Variants in POLR1A observed in about 807,000 individuals in gnomAD.
POLR1A encodes RNA polymerase I subunit A.
A neutral mutation model predicts 205.3 loss-of-function variants in POLR1A; 84 were observed. The ratio of observed to expected loss-of-function variants is 0.41; its 90% confidence interval spans 0.34 to 0.49. The LOEUF is 0.49. Ranked by LOEUF, POLR1A falls within the 20% of genes least tolerant of loss-of-function variation. The probability of loss-of-function intolerance (pLI) is 0.22; values close to 1 mark genes in which losing one functional copy is unlikely to be tolerated. For missense variants in POLR1A, 1,645 were observed against 2,204.5 expected (o/e 0.75, Z 5.08); for synonymous variants, 799 against 863.7 (o/e 0.93, Z 1.31).
chr2:86,075,490 T>C (rs1336199102), intron 11 of POLR1A, among the ~76,000 whole-genome samples: 1 of 152,184 alleles, frequency 6.6e-6, no homozygotes, highest in African/African-American at 2.4e-5. Flanking sequence ...AGGAGAATAA[T>C]TTAAGCGCAG....
rs1417899599 is a variant in POLR1A at position 86,098,775 on chromosome 2, T to C, written c.283-15A>G. The C allele has an allele frequency of 3.1e-6, 5 of 1,613,486 alleles. No individual in the cohort carries two copies. The highest frequency in any genetic ancestry group is 3.4e-6 in the Non-Finnish European group (4 of 1,179,598). The stretch of plus-strand genomic sequence containing the variant: ...AGGTACAGCTTCTGAAGAGAGGGAA[T>C]AAAAACAAACAGGATATTAGAAAGA... On this transcript the variant is annotated splice_polypyrimidine_tract_variant and intron_variant, in intron 2 of 33. Transcript: ENST00000263857.
Position 86,058,398 on chromosome 2 carries a change from CTTTTTTTTTT to C in POLR1A, c.2059-4119_2059-4110del, listed in dbSNP as rs11350157. On this transcript the variant is annotated intron_variant, in intron 14 of 33. Coordinates refer to ENST00000263857, the MANE Select transcript of POLR1A (RefSeq NM_015425.6). The stretch of plus-strand genomic sequence containing the variant: ...ACAGGTGTGAGCCACCTCACCCAGC[CTTTTTTTTTT>C]TTTTTTTTTTTTAAATAGAGATGGG... Among the ~76,000 whole-genome samples the C allele has an allele frequency of 1.2e-4, 15 of 120,094 alleles. 1 individual carries two copies. Among genetic ancestry groups the C allele is most frequent in the Admixed American group, 3.4e-4 (4 of 11,920 alleles). 78.8% of individuals were successfully genotyped at this position (120,094 alleles called of 152,430 possible). A position where few individuals can be genotyped will look rare whatever the true frequency, so the allele number is the denominator to read the frequency against.
rs190110530 is a variant in POLR1A at position 86,080,042 on chromosome 2, G to A, written c.1086+774C>T. On this transcript the variant is annotated intron_variant, in intron 9 of 33. Transcript: ENST00000263857. The stretch of plus-strand genomic sequence containing the variant: ...AGCAAAACCACAGAAAGCCCCAAGT[G>A]TAACCTGCACCATAAGTGTCCAAGA... Among the ~76,000 whole-genome samples the A allele has an allele frequency of 9.2e-5, 14 of 152,332 alleles. No individual in the cohort carries two copies. The East Asian group carries it at 2.5e-3, about 27-fold the overall frequency.
chr2:86,091,217 T>C (rs1206499964), intron 3 of POLR1A, among the ~76,000 whole-genome samples: 2 of 152,230 alleles, frequency 1.3e-5, no homozygotes, highest in Non-Finnish European at 2.9e-5. Context: ...GAATCTTCTC[T>C]GGAGAAGGCA....
chr2:86,032,208 C>T (rs996913527), intron 29 of POLR1A, 64 bp downstream of exon 29: 3 of 1,129,308 alleles, frequency 2.7e-6, no homozygotes, highest in South Asian at 2.5e-5. Context: ...GGAGATAATC[C>T]CTCCAGGTTA....
chr2:86,044,007 T>G, intron 22 of POLR1A, 132 bp downstream of exon 22: 1 of 781,648 alleles, frequency 1.3e-6, no homozygotes, highest in Non-Finnish European at 2.1e-6. Flanking sequence ...ACCGGTGTCT[T>G]ATAAACCCTT....
chr2:86,083,693 C>T (rs1180250502), intron 6 of POLR1A, among the ~76,000 whole-genome samples: 2 of 152,132 alleles, frequency 1.3e-5, no homozygotes, highest in Non-Finnish European at 2.9e-5. Context: ...CCATATTTTG[C>T]TATTATAAGT....
At chr2:86,104,419 C>A (rs1436539130) in intron 1 of POLR1A, among the ~76,000 whole-genome samples, 1 of 151,272 alleles carries the variant, frequency 6.6e-6, no homozygotes, top group Non-Finnish European at 1.5e-5. Context: ...TAAGTAACCC[C>A]TCCCTTTGAA....
chr2:86,080,646 C>T (rs113505573), intron 9 of POLR1A, among the ~76,000 whole-genome samples, 170 bp downstream of exon 9: 1,925 of 152,232 alleles, frequency 0.013, 14 homozygotes, highest in Middle Eastern at 0.02. Flanking sequence ...CCATGTGTGT[C>T]CCCCTAATGT....
At chr2:86,087,553 C>G (rs2104427230) in intron 6 of POLR1A, among the ~76,000 whole-genome samples, 1 of 152,324 alleles carries the variant, frequency 6.6e-6, no homozygotes, top group South Asian at 2.1e-4. Flanking sequence ...CTTTTTCTTT[C>G]TTTTTCTGAG....
Position 86,030,407 on chromosome 2 carries a change from A to T in POLR1A, c.4579-11T>A. 6.2e-7 allele frequency: 1 copy of T among 1,603,748 alleles called. No homozygotes were observed. Among genetic ancestry groups the T allele is most frequent in the South Asian group, 1.1e-5 (1 of 90,850 alleles). On this transcript the variant is annotated splice_polypyrimidine_tract_variant and intron_variant, in intron 30 of 33. Coordinates refer to ENST00000263857, the MANE Select transcript of POLR1A (RefSeq NM_015425.6). ...GAGCTTCACTGTCACCTGCAAAAGG[A>T]GGGAGAGCTGGGTAGGGTGACAGCT... is the stretch of plus-strand genomic sequence containing the variant.
At chr2:86,073,264 G>A (rs2104415395) in intron 12 of POLR1A, among the ~76,000 whole-genome samples, 1 of 151,970 alleles carries the variant, frequency 6.6e-6, no homozygotes, top group Admixed American at 6.5e-5. Context: ...ACAGTCCTCA[G>A]GCTGGCCACC....
At chr2:86,097,485 C>T (rs1193740166) in intron 3 of POLR1A, among the ~76,000 whole-genome samples, 1 of 152,052 alleles carries the variant, frequency 6.6e-6, no homozygotes, top group East Asian at 1.9e-4. Flanking sequence ...AGATATGGAA[C>T]CAACCTAGAT....
Position 86,100,125 on chromosome 2 carries a change from A to T in POLR1A, c.125T>A (p.Leu42Gln), listed in dbSNP as rs1344929652. The T allele has an allele frequency of 1.9e-6, 3 of 1,614,086 alleles. No individual in the cohort carries two copies. Among genetic ancestry groups the T allele is most frequent in the East Asian group, 4.5e-5 (2 of 44,888 alleles). Residue 42 changes from leucine to glutamine, a missense_variant, in exon 2 of 34, where the codon CTG becomes CAG. Physicochemically the swap from Leu to Gln is moderately radical, Grantham distance 113. Transcript: ENST00000263857. Reference protein sequence around the residue: ...SITNPRYLDSLGNPSANGLYD... With the variant: ...SITNPRYLDSQGNPSANGLYD... ...CAGGCCGTTTGCCGATGGGTTCCCC[A>T]GGCTGTCCAGGTATCGAGGGTTCGT...
At position 86,038,874 on chromosome 2, in the gene POLR1A, A is replaced by G. The variant is rs1672547130; in HGVS notation, c.3877-17T>C. On this transcript the variant is annotated splice_polypyrimidine_tract_variant and intron_variant, in intron 26 of 33. Coordinates refer to ENST00000263857, the MANE Select transcript of POLR1A (RefSeq NM_015425.6). The stretch of plus-strand genomic sequence containing the variant: ...CTGCAACACCTGGAACCAGACGGAC[A>G]GAGAGAACTTGACTTGTTCAGGTCC... 6.2e-7 allele frequency: 1 copy of G among 1,613,416 alleles called. No homozygotes were observed. Among genetic ancestry groups the G allele is most frequent in the Admixed American group, 1.7e-5 (1 of 59,972 alleles).
In POLR1A at chr2:86,054,134, C is replaced by T. The variant is rs1331452099; in HGVS notation, c.2208+6G>A. ...GTCTCCACTCCACACAGCTGGACAG[C>T]CATACCTGGGACTCGCACATCGAGT... On this transcript the variant is annotated splice_donor_region_variant and intron_variant, in intron 15 of 33. Transcript: ENST00000263857. 10 of 1,613,676 alleles carry T rather than the reference C, an allele frequency of 6.2e-6. No individual in the cohort carries two copies. Among genetic ancestry groups the T allele is most frequent in the Non-Finnish European group, 8.5e-6 (10 of 1,179,746 alleles).
intron 24 of POLR1A, among the ~76,000 whole-genome samples, chr2:86,041,393 T>C (rs1406543609): frequency 2.0e-5 from 3 of 148,280 alleles, no homozygotes; most frequent in African/African-American, 4.9e-5. Flanking sequence ...ACAGTGTCTG[T>C]GTGTGTGTGT....
At chr2:86,077,753 CTCTGCGGCATTCTCA>C in intron 11 of POLR1A, 91 bp downstream of exon 11, 1 of 1,329,842 alleles carries the variant, frequency 7.5e-7, no homozygotes, top group South Asian at 1.2e-5. Flanking sequence ...GTCCCCAGTC[CTCTGCGGCATTCTCA>C]TCTGCCACCC....
At chr2:86,037,366 C>G (rs1227430982) in intron 27 of POLR1A, among the ~76,000 whole-genome samples, 2 of 152,252 alleles carry the variant, frequency 1.3e-5, no homozygotes, top group African/African-American at 4.8e-5. Flanking sequence ...GGACTGAGTT[C>G]ACATCCAAGC....
Sources: gnomAD v4.1 joint callset for allele counts (sites outside exome capture counted in the v4.1 genomes callset) on GRCh38, gnomAD v4.1.1 for gene constraint, MANE v1.5 for transcripts, NCBI Gene and HGNC (gene_info 2026-07-23, HGNC 2026-07-21) for gene names.